PARVB: variants seen among roughly 807,000 people sequenced by gnomAD.
PARVB encodes beta-parvin.
In PARVB, 46 loss-of-function variants were observed where a neutral mutation model predicts 47.0. The ratio of observed to expected loss-of-function variants is 0.98; its 90% CI spans 0.77 to 1.25. The LOEUF (loss-of-function observed/expected upper bound fraction) is 1.25, where lower values mean the gene tolerates loss of function less well. Ranked by LOEUF, PARVB falls within the 50% of genes most tolerant of loss-of-function variation. The pLI, the probability that PARVB is intolerant of heterozygous loss-of-function variation, is 0.00. For synonymous variants in PARVB, 196 were observed against 196.3 expected (o/e 1.00, Z 0.01); for missense variants, 473 against 471.6 (o/e 1.00, Z -0.03).
At chr22:44,016,303 A>G (rs551336672) in intron 2 of PARVB, among the ~76,000 whole-genome samples, 15 of 151,890 alleles carry the variant, frequency 9.9e-5, no homozygotes, top group South Asian at 4.2e-4. Context: ...TCACCGTGTT[A>G]GCCAGGATGG....
intron 4 of PARVB, among the ~76,000 whole-genome samples, chr22:44,122,506 G>C (rs896663150): frequency 1.1e-5 from 1 of 92,266 alleles, no homozygotes; most frequent in Non-Finnish European, 2.0e-5. Context: ...GAGAGAGAGA[G>C]AGAGAGAGAG....
chr22:44,146,283 A>G (rs1195017824), intron 8 of PARVB: 9 of 128,392 alleles, frequency 7.0e-5, no homozygotes, highest in African/African-American at 2.1e-4. Flanking sequence ...ACACATGTTC[A>G]CACACAACCT....
At chr22:44,122,933 T>C (rs2053102848) in intron 4 of PARVB, among the ~76,000 whole-genome samples, 1 of 152,222 alleles carries the variant, frequency 6.6e-6, no homozygotes, top group Non-Finnish European at 1.5e-5. Context: ...CTAATATTTT[T>C]CTATCACCAG....
intron 6 of PARVB, among the ~76,000 whole-genome samples, chr22:44,134,164 C>T (rs555186033): frequency 4.6e-5 from 7 of 152,264 alleles, no homozygotes; most frequent in Non-Finnish European, 7.4e-5. Context: ...CATTCTGGCC[C>T]CTCTGTTACC....
intron 4 of PARVB, among the ~76,000 whole-genome samples, chr22:44,123,783 G>A (rs926174725): frequency 1.3e-5 from 2 of 149,424 alleles, no homozygotes; most frequent in Non-Finnish European, 3.0e-5. Flanking sequence ...CACCCACCTC[G>A]GGCTCCCAAA....
chr22:44,111,598 T>G (rs1316914050), intron 3 of PARVB: 1 of 151,336 alleles, frequency 6.6e-6, no homozygotes. Context: ...AGGTGTGCAC[T>G]GCCCCACCTG....
intron 1 of PARVB, among the ~76,000 whole-genome samples, chr22:44,073,961 T>C (rs946479654): frequency 6.6e-6 from 1 of 152,224 alleles, no homozygotes; most frequent in African/African-American, 2.4e-5. Context: ...TGTGCAGCCA[T>C]TTGGTGGACA....
chr22:44,131,531 T>C lies in PARVB; in HGVS notation c.421T>C (p.Ser141Pro), dbSNP rs1263056020. 14 of 1,613,774 alleles carry C rather than the reference T, an allele frequency of 8.7e-6. No homozygotes were observed. Among genetic ancestry groups the C allele is most frequent in the Non-Finnish European group, 1.1e-5 (13 of 1,179,978 alleles). Residue 141 changes from serine to proline, a missense_variant, in exon 5 of 13, where the codon TCC becomes CCC. Coordinates refer to ENST00000338758, the MANE Select transcript of PARVB (RefSeq NM_013327.5). The part of the protein sequence containing the change: ...CKLNVAEVTQ[S>P]EIGQKQKLQT... ...GCTGAATGTGGCTGAGGTGACACAG[T>C]CCGAAATAGGGCAGAAACAGAAGCT...
intron 1 of PARVB, among the ~76,000 whole-genome samples, chr22:44,050,286 G>T (rs111723385): frequency 1.3e-5 from 2 of 151,906 alleles, no homozygotes; most frequent in South Asian, 2.1e-4. Context: ...TATGTTTGTT[G>T]TCCTCTTTCC....
At chr22:44,013,696 G>C (rs901766817) in intron 2 of PARVB, among the ~76,000 whole-genome samples, 1 of 151,702 alleles carries the variant, frequency 6.6e-6, no homozygotes, top group Non-Finnish European at 1.5e-5. Flanking sequence ...GCAGTGGTGC[G>C]ATCTCGGCTC....
At chr22:44,029,483 T>C (rs2050786410) in intron 1 of PARVB, among the ~76,000 whole-genome samples, 1 of 152,108 alleles carries the variant, frequency 6.6e-6, no homozygotes, top group Admixed American at 6.5e-5. Flanking sequence ...TGAGACCTCA[T>C]CAACTAGATC....
intron 4 of PARVB, among the ~76,000 whole-genome samples, chr22:44,122,546 G>C (rs975369029): frequency 4.4e-4 from 42 of 94,518 alleles, no homozygotes; most frequent in African/African-American, 1.9e-3. Context: ...GAGAGAGAGA[G>C]AGAGAGACAC....
intron 12 of PARVB, among the ~76,000 whole-genome samples, chr22:44,167,454 G>T (rs1414498622): frequency 6.6e-6 from 1 of 152,132 alleles, no homozygotes; most frequent in Non-Finnish European, 1.5e-5. Flanking sequence ...CTGCGTGGGG[G>T]CATCGGTGTC....
chr22:44,131,133 T>TTCTC (rs34132028), intron 4 of PARVB, among the ~76,000 whole-genome samples: 2 of 129,334 alleles, frequency 1.5e-5, no homozygotes, highest in Non-Finnish European at 3.2e-5. Context: ...TTTTCTTTCT[T>TTCTC]TCTCTCTCTC....
chr22:44,120,984 C>G (rs2147129941), intron 4 of PARVB, among the ~76,000 whole-genome samples: 1 of 152,008 alleles, frequency 6.6e-6, no homozygotes, highest in East Asian at 1.9e-4. Context: ...GCTGGGGTTA[C>G]AGGCACATAC....
chr22:44,168,417 A>C (rs139095), intron 12 of PARVB, 185 bp from the exon 13 acceptor site: 444,002 of 570,582 alleles, frequency 0.78, 174,447 homozygotes, highest in East Asian at 0.99. Context: ...AGCTCTCACA[A>C]AACCTGTGTG....
intron 1 of PARVB, 53 bp from the exon 2 acceptor site, chr22:44,093,875 G>A: frequency 1.7e-6 from 2 of 1,151,306 alleles, no homozygotes; most frequent in Non-Finnish European, 2.6e-6. Context: ...AACATGTGAG[G>A]CCACGGCACT....
chr22:44,115,925 T>G (rs368973035), intron 3 of PARVB: 1 of 85,126 alleles, frequency 1.2e-5, no homozygotes, highest in Admixed American at 1.0e-4. Flanking sequence ...ACAGATACAT[T>G]GTTACTAAGT....
chr22:44,119,058 T>C lies in PARVB; in HGVS notation c.294T>C (p.Asn98=), dbSNP rs2052979846. The C allele has an allele frequency of 5.6e-6, 9 of 1,614,070 alleles. No individual in the cohort carries two copies. The highest frequency in any genetic ancestry group is 7.6e-6 in the Non-Finnish European group (9 of 1,179,890). The change falls in exon 4 of 13, where the codon AAT becomes AAC. Residue 98 remains asparagine (N), a synonymous_variant. Transcript: ENST00000338758. ...TGCAGGTCCTCCTCGACTGGATTAA[T>C]GACGTGCTGGTGGAGGAGAGGATCA... is the stretch of plus-strand genomic sequence containing the variant. ...ELVKVLLDWI[N]DVLVEERIIV...
Sources: gnomAD v4.1 joint callset for allele counts (sites outside exome capture counted in the v4.1 genomes callset) on GRCh38, gnomAD v4.1.1 for gene constraint, MANE v1.5 for transcripts, NCBI Gene and HGNC (gene_info 2026-07-23, HGNC 2026-07-21) for gene names.